The following PID1 variants were observed in gnomAD, a reference collection of about 807,000 sequenced individuals.
The protein encoded by PID1 is phosphotyrosine interaction domain containing 1, also known as PTB-containing, cubilin and LRP1-interacting protein.
In PID1, 10 loss-of-function variants were observed where a neutral mutation model predicts 19.1. The observed-to-expected ratio is 0.52, with a 90% CI of 0.32 to 0.89. The LOEUF (loss-of-function observed/expected upper bound fraction) is 0.89. Ranked by LOEUF, PID1 falls within the 40% of genes least tolerant of loss-of-function variation. The probability of loss-of-function intolerance (pLI) is 0.03; values close to 1 mark genes in which losing one functional copy is unlikely to be tolerated. For synonymous variants in PID1, 130 were observed against 116.0 expected, an observed-to-expected ratio of 1.12 and a Z score of -0.78; for missense variants, 248 against 285.3, an observed-to-expected ratio of 0.87 and a Z score of 0.94.
chr2:229,232,172 C>G, intron 1 of PID1: 1 of 1,409,808 alleles, frequency 7.1e-7, no homozygotes, highest in Non-Finnish European at 9.3e-7. Context: ...GCCTGTAATC[C>G]CAGCACTCTG....
chr2:229,141,865 A>G (rs1172596895), intron 2 of PID1, among the ~76,000 whole-genome samples: 1 of 135,230 alleles, frequency 7.4e-6, no homozygotes, highest in Non-Finnish European at 1.6e-5. Context: ...TTCTCTTGCC[A>G]AGAAACGAAT....
intron 1 of PID1, among the ~76,000 whole-genome samples, chr2:229,160,903 G>A (rs935320016): frequency 7.9e-5 from 12 of 152,082 alleles, no homozygotes; most frequent in African/African-American, 2.9e-4. Flanking sequence ...TGCATTTTTG[G>A]TGGTTAAAAG....
intron 2 of PID1, among the ~76,000 whole-genome samples, chr2:229,130,918 A>C (rs990706238): frequency 1.3e-5 from 2 of 152,196 alleles, no homozygotes. Flanking sequence ...CCTGGCAGTT[A>C]CTGGCCTGTA....
chr2:229,176,980 G>T (rs1690836898), intron 1 of PID1, among the ~76,000 whole-genome samples: 1 of 152,172 alleles, frequency 6.6e-6, no homozygotes, highest in Admixed American at 6.5e-5. Flanking sequence ...GAGGTTTAAT[G>T]AACTCACAGG....
chr2:229,252,363 T>C (rs1690176066), intron 1 of PID1, among the ~76,000 whole-genome samples: 1 of 152,338 alleles, frequency 6.6e-6, no homozygotes, highest in South Asian at 2.1e-4. Flanking sequence ...GGGATCCCTG[T>C]AAATGCAAAT....
chr2:229,263,963 G>T (rs1321618557), intron 1 of PID1, among the ~76,000 whole-genome samples: 3 of 152,138 alleles, frequency 2.0e-5, no homozygotes, highest in African/African-American at 7.2e-5. Flanking sequence ...GCAATGAATG[G>T]TAGCTGACAT....
In PID1 at chr2:229,228,516, AT is replaced by A. The variant is rs763351394; in HGVS notation, c.30+42497del. Among the ~76,000 whole-genome samples the A allele has an allele frequency of 8.5e-5, 13 of 152,222 alleles. 1 individual carries two copies. The highest frequency in any genetic ancestry group is 1.3e-4 in the Admixed American group (2 of 15,276). On this transcript the variant is annotated intron_variant, in intron 1 of 2. Transcript: ENST00000392055. The stretch of plus-strand genomic sequence containing the variant: ...ATATCCTGCAAATATATAAATTTAC[AT>A]TTTTTAAAAGCATGGTGAGAAATTA...
intron 1 of PID1, among the ~76,000 whole-genome samples, chr2:229,205,106 T>G (rs1213412722): frequency 6.6e-6 from 1 of 152,252 alleles, no homozygotes; most frequent in South Asian, 2.1e-4. Flanking sequence ...AAAGTCAACA[T>G]CATCCTTCCT....
At chr2:229,046,623 C>T (rs1266721804) in intron 2 of PID1, among the ~76,000 whole-genome samples, 1 of 151,734 alleles carries the variant, frequency 6.6e-6, no homozygotes. Context: ...AAAAACTATC[C>T]CTAAATGAAT....
At chr2:229,088,174 A>G (rs1380486557) in intron 2 of PID1, among the ~76,000 whole-genome samples, 1 of 152,214 alleles carries the variant, frequency 6.6e-6, no homozygotes, top group Non-Finnish European at 1.5e-5. Flanking sequence ...GAGTATAAAG[A>G]TTCTTGATGA....
intron 1 of PID1, among the ~76,000 whole-genome samples, chr2:229,245,811 G>A (rs1001212433): frequency 6.6e-6 from 1 of 152,154 alleles, no homozygotes; most frequent in African/African-American, 2.4e-5. Context: ...ACAGTACTTA[G>A]TAGGGCTAAA....
At chr2:229,186,828 A>G (rs1425683252) in intron 1 of PID1, among the ~76,000 whole-genome samples, 5 of 152,164 alleles carry the variant, frequency 3.3e-5, no homozygotes, top group African/African-American at 1.2e-4. Flanking sequence ...TTCCTTTTCT[A>G]TTGCATTGTC....
intron 2 of PID1, among the ~76,000 whole-genome samples, chr2:229,078,431 A>C (rs967415164): frequency 2.6e-5 from 4 of 152,122 alleles, no homozygotes; most frequent in African/African-American, 9.7e-5. Flanking sequence ...TTCCAGCACT[A>C]TGTTGCATAG....
intron 1 of PID1, among the ~76,000 whole-genome samples, chr2:229,246,659 A>T (rs1690011141): frequency 6.6e-6 from 1 of 152,180 alleles, no homozygotes; most frequent in Non-Finnish European, 1.5e-5. Context: ...AAGTACAAAG[A>T]TTTGCTCAAC....
At chr2:229,247,377 T>G (rs1690029911) in intron 1 of PID1, among the ~76,000 whole-genome samples, 2 of 152,130 alleles carry the variant, frequency 1.3e-5, no homozygotes. Flanking sequence ...ACCATCACAT[T>G]TATATTCCTG....
intron 1 of PID1, among the ~76,000 whole-genome samples, chr2:229,178,442 T>A (rs114118676): frequency 0.015 from 2,340 of 152,306 alleles, 59 homozygotes; most frequent in African/African-American, 0.053. Context: ...AATTTTAGCT[T>A]ATTTTCTTCA....
chr2:229,186,932 C>T (rs1302040854), intron 1 of PID1, among the ~76,000 whole-genome samples: 2 of 152,174 alleles, frequency 1.3e-5, no homozygotes, highest in Non-Finnish European at 2.9e-5. Context: ...TGCTTTGCTG[C>T]TTAGAAATTC....
chr2:229,162,491 A>G (rs537681024), intron 1 of PID1, among the ~76,000 whole-genome samples: 4 of 152,356 alleles, frequency 2.6e-5, no homozygotes, highest in African/African-American at 9.6e-5. Flanking sequence ...TGATCCTTGC[A>G]TGTTGAAGAC....
intron 1 of PID1, among the ~76,000 whole-genome samples, chr2:229,210,905 T>C (rs941396864): frequency 2.0e-5 from 3 of 152,186 alleles, no homozygotes; most frequent in Admixed American, 2.0e-4. Context: ...TCCATTTATT[T>C]TGAGCCAATA....
Sources: gnomAD v4.1 joint callset for allele counts (sites outside exome capture counted in the v4.1 genomes callset) on GRCh38, gnomAD v4.1.1 for gene constraint, MANE v1.5 for transcripts, NCBI Gene and HGNC (gene_info 2026-07-23, HGNC 2026-07-21) for gene names.